MINK1: variants seen among roughly 807,000 people sequenced by gnomAD.
The protein encoded by MINK1 is misshapen-like kinase 1.
Under a neutral mutation model 178.4 loss-of-function variants are expected in MINK1, and 46 were observed. The ratio of observed to expected loss-of-function variants is 0.26; its 90% CI spans 0.20 to 0.33. The LOEUF (loss-of-function observed/expected upper bound fraction) is 0.33, where lower values mean the gene tolerates loss of function less well. Among genes scored for constraint, MINK1 ranks in the 10% least tolerant of loss-of-function variants. The probability of loss-of-function intolerance (pLI) is 1.00; values close to 1 mark genes in which losing one functional copy is unlikely to be tolerated. For synonymous variants in MINK1, 797 were observed against 709.7 expected (o/e 1.12, Z -1.96); for missense variants, 1,366 against 1,814.9 (o/e 0.75, Z 4.49).
intron 1 of MINK1, among the ~76,000 whole-genome samples, chr17:4,866,870 G>A (rs1915062722): frequency 1.3e-5 from 2 of 151,586 alleles, no homozygotes; most frequent in Admixed American, 6.6e-5. Context: ...TCAGGAGATT[G>A]AGACCATCCT....
rs1435839633 is a variant in MINK1 at position 4,889,631 on chromosome 17, C to T, written c.1231-16C>T. On this transcript the variant is annotated splice_polypyrimidine_tract_variant and intron_variant, in intron 12 of 31. Coordinates refer to ENST00000355280, the MANE Select transcript of MINK1 (RefSeq NM_153827.5). ...TGTCCGGTATGGTTCTTAAGACCAC[C>T]TGGCTCTCCCCACAGCAACAGCGGC... 2.5e-6 allele frequency: 4 copies of T among 1,568,858 alleles called. No homozygotes were observed. In the African/African-American group the frequency reaches 5.4e-5, roughly 21 times the overall value.
chr17:4,888,150 A>G (rs1968392807), intron 12 of MINK1, among the ~76,000 whole-genome samples: 1 of 151,738 alleles, frequency 6.6e-6, no homozygotes, highest in Non-Finnish European at 1.5e-5. Context: ...CGGGAGGCGG[A>G]GGTTGCAGTG....
At chr17:4,849,315 C>T (rs1567562951) in intron 1 of MINK1, among the ~76,000 whole-genome samples, 1 of 152,354 alleles carries the variant, frequency 6.6e-6, no homozygotes, top group Middle Eastern at 3.4e-3. Flanking sequence ...CCAGAGAAAG[C>T]ATTCAGCCTG....
At chr17:4,847,241 C>T (rs1457519260) in intron 1 of MINK1, 1 of 457,774 alleles carries the variant, frequency 2.2e-6, no homozygotes, top group Admixed American at 2.3e-5. Flanking sequence ...TTCATTCATT[C>T]ATTCATTCAT....
chr17:4,891,200 G>GCACACACACA (rs3081308), intron 15 of MINK1, 76 bp downstream of exon 15: 80,724 of 992,194 alleles, frequency 0.081, 1,585 homozygotes, highest in East Asian at 0.33. Context: ...ACACACGCGC[G>GCACACACACA]CACACACACA....
intron 19 of MINK1, 101 bp downstream of exon 19, chr17:4,892,869 G>A: frequency 2.2e-6 from 3 of 1,378,410 alleles, no homozygotes; most frequent in Non-Finnish European, 3.0e-6. Flanking sequence ...CACGGACAGG[G>A]AGGACCTGTG....
chr17:4,866,505 G>A (rs1388729917), intron 1 of MINK1, among the ~76,000 whole-genome samples: 1 of 151,672 alleles, frequency 6.6e-6, no homozygotes, highest in Non-Finnish European at 1.5e-5. Context: ...TTACTGAAAG[G>A]GAACTTAGAG....
intron 1 of MINK1, among the ~76,000 whole-genome samples, chr17:4,862,503 A>G (rs1914317271): frequency 6.6e-6 from 1 of 152,046 alleles, no homozygotes; most frequent in Non-Finnish European, 1.5e-5. Flanking sequence ...AAAAATACAA[A>G]AACTAGCCTG....
At chr17:4,848,111 G>C (rs1911318633) in intron 1 of MINK1, among the ~76,000 whole-genome samples, 1 of 152,188 alleles carries the variant, frequency 6.6e-6, no homozygotes, top group African/African-American at 2.4e-5. Flanking sequence ...ATGACCTTCA[G>C]AATATGTACA....
rs1968557974 is a variant in MINK1 at position 4,889,552 on chromosome 17, T to A, written c.1231-95T>A. On this transcript the variant is annotated intron_variant, in intron 12 of 31. Transcript: ENST00000355280. Reference sequence around the variant, plus strand: ...AGCCGGTCTCTCTTACCACCCTCCGTGGTGAGCAAGGAGGGCTCCCCTCCC... The same window carrying A: ...AGCCGGTCTCTCTTACCACCCTCCGAGGTGAGCAAGGAGGGCTCCCCTCCC... 3.8e-6 allele frequency: 4 copies of A among 1,066,252 alleles called. No individual in the cohort carries two copies. In the South Asian group the frequency reaches 5.4e-5, roughly 14 times the overall value. The allele number at this position is 1,066,252 out of a possible 1,614,324, so 66.0% of individuals were successfully genotyped here.
Position 4,891,572 on chromosome 17 carries a change from C to T in MINK1, c.1857C>T (p.Pro619=), listed in dbSNP as rs529576166. 14 of 1,606,778 alleles carry T rather than the reference C, an allele frequency of 8.7e-6. No homozygotes were observed. The highest frequency in any genetic ancestry group is 3.4e-5 in the South Asian group (3 of 89,540). Residue 619 remains proline, a synonymous_variant, in exon 16 of 32, where the codon CCC becomes CCT. Transcript: ENST00000355280. ...CTGCCTTCCCAGCCTCCCATGACCC[C>T]GACCCTGCCATCCCCGCACCCACTG... is the stretch of plus-strand genomic sequence containing the variant. The part of the protein sequence containing the change: ...NLAAFPASHD[P]DPAIPAPTAT...
chr17:4,854,470 C>A (rs1912693753), intron 1 of MINK1, among the ~76,000 whole-genome samples: 1 of 152,210 alleles, frequency 6.6e-6, no homozygotes, highest in African/African-American at 2.4e-5. Context: ...GGCAGGGCCC[C>A]TCTGCTCTGA....
At position 4,895,972 on chromosome 17, in the gene MINK1, T is replaced by C; in HGVS notation, c.3365-31T>C. 1 of 1,573,162 alleles carries C rather than the reference T, an allele frequency of 6.4e-7. No homozygotes were observed. Among genetic ancestry groups the C allele is most frequent in the Non-Finnish European group, 8.6e-7 (1 of 1,159,066 alleles). On this transcript the variant is annotated intron_variant, in intron 27 of 31. Coordinates refer to ENST00000355280, the MANE Select transcript of MINK1 (RefSeq NM_153827.5). This position sits in a 1 kb window ranked among gnomAD's most constrained non-coding sequence, Gnocchi z 4.3. ...GGCGCCCGTGGCGCAAGAAGGGAAGTCTCAGCATCCCTCTTCTCTCCCGCC... is the reference window on the plus strand; with the variant it reads ...GGCGCCCGTGGCGCAAGAAGGGAAGCCTCAGCATCCCTCTTCTCTCCCGCC...
At position 4,892,761 on chromosome 17, in the gene MINK1, C is replaced by T. The variant is rs189861989; in HGVS notation, c.2304C>T (p.Arg768=). 111 of 1,606,108 alleles carry T rather than the reference C, an allele frequency of 6.9e-5. No individual in the cohort carries two copies. In the East Asian group the frequency reaches 1.8e-3, roughly 26 times the overall value. ...LPQAGSLERN[R]VGVSSKPDSS... ...AGGCTGGCTCACTGGAGCGGAACCG[C>T]GTGGGAGGTATGTGAGCCAGGGCTG... Residue 768 remains arginine, a synonymous_variant, in exon 19 of 32, where the codon CGC becomes CGT. Coordinates refer to ENST00000355280, the MANE Select transcript of MINK1 (RefSeq NM_153827.5).
chr17:4,879,790 C>T (rs987072143), intron 2 of MINK1, among the ~76,000 whole-genome samples: 12 of 152,182 alleles, frequency 7.9e-5, no homozygotes, highest in African/African-American at 2.7e-4. Context: ...CACATGTCGG[C>T]GGGCCCCTCT....
rs147526644 is a variant in MINK1 at position 4,881,686 on chromosome 17, C to T, written c.306+429C>T. Among the ~76,000 whole-genome samples the T allele has an allele frequency of 2.6e-3, 396 of 152,378 alleles. 1 individual carries two copies. The highest frequency in any genetic ancestry group is 9.1e-3 in the African/African-American group (379 of 41,586). On this transcript the variant is annotated intron_variant, in intron 4 of 31. Coordinates refer to ENST00000355280, the MANE Select transcript of MINK1 (RefSeq NM_153827.5). ...GGGAGATAACAGGGCCCAGACCCCTCCCAGAACCCCAGATGCTACAGAGCA... is the reference window on the plus strand; with the variant it reads ...GGGAGATAACAGGGCCCAGACCCCTTCCAGAACCCCAGATGCTACAGAGCA...
At chr17:4,889,856 C>G in intron 13 of MINK1, 93 bp downstream of exon 13, 2 of 885,574 alleles carry the variant, frequency 2.3e-6, no homozygotes, top group Non-Finnish European at 3.4e-6. Flanking sequence ...TTCTCTCCCC[C>G]ACCCCCAGAT....
intron 1 of MINK1, among the ~76,000 whole-genome samples, chr17:4,875,880 C>T (rs984462068): frequency 6.6e-6 from 1 of 151,006 alleles, no homozygotes; most frequent in Non-Finnish European, 1.5e-5. Flanking sequence ...ACTGCAACCT[C>T]CACCTCCTGG....
chr17:4,881,119 C>G lies in MINK1; in HGVS notation c.181-13C>G. 14 of 1,537,158 alleles carry G rather than the reference C, an allele frequency of 9.1e-6. No individual in the cohort carries two copies. The highest frequency in any genetic ancestry group is 1.2e-5 in the Non-Finnish European group (14 of 1,146,862). The stretch of plus-strand genomic sequence containing the variant: ...GGGGGAGTCTCAGGGCTCAGCTCCT[C>G]CCATCTGCTTAGGACGAGGAGGAAG... On this transcript the variant is annotated splice_polypyrimidine_tract_variant and intron_variant, in intron 3 of 31. Coordinates refer to ENST00000355280, the MANE Select transcript of MINK1 (RefSeq NM_153827.5).
Sources: allele counts gnomAD v4.1 joint callset (sites outside exome capture counted in the v4.1 genomes callset), GRCh38; gene constraint gnomAD v4.1.1; non-coding constraint Gnocchi (gnomAD v3.1); transcripts MANE v1.5; gene names NCBI Gene and HGNC (gene_info 2026-07-23, HGNC 2026-07-21).